SCMH1: variants seen among roughly 807,000 people sequenced by gnomAD.
SCMH1 encodes the protein polycomb protein SCMH1.
SCMH1 carries 37 observed loss-of-function variants against 70.8 expected under a neutral mutation model. That is an observed-to-expected ratio of 0.52 (90% CI 0.40 to 0.69). The LOEUF (loss-of-function observed/expected upper bound fraction) is 0.69, where lower values mean the gene tolerates loss of function less well. SCMH1 is among the 30% of genes least tolerant of loss of function. SCMH1 has a pLI of 0.00. For missense variants in SCMH1, 607 were observed against 827.3 expected (o/e 0.73, Z 3.27); for synonymous variants, 292 against 307.4 (o/e 0.95, Z 0.52).
chr1:41,188,281 C>T lies in SCMH1; in HGVS notation c.-117-2031G>A, dbSNP rs182908372. On this transcript the variant is annotated intron_variant, in intron 1 of 14. Transcript: ENST00000337495. The stretch of plus-strand genomic sequence containing the variant: ...AGTAGCTGGGATTATAGGCATGTGC[C>T]GCCATGCTTGGCTAATTTTTGTATT... Among the ~76,000 whole-genome samples the T allele has an allele frequency of 3.9e-5, 6 of 152,260 alleles. No homozygotes were observed. In the East Asian group the frequency reaches 7.7e-4, roughly 20 times the overall value.
chr1:41,081,124 T>G (rs1032280111), intron 8 of SCMH1, among the ~76,000 whole-genome samples: 12 of 152,146 alleles, frequency 7.9e-5, no homozygotes, highest in Non-Finnish European at 1.3e-4. Context: ...AATTTGAAAA[T>G]TATTTAAAAA....
intron 8 of SCMH1, among the ~76,000 whole-genome samples, chr1:41,084,222 A>G (rs982761470): frequency 1.3e-5 from 2 of 152,232 alleles, no homozygotes; most frequent in South Asian, 2.1e-4. Context: ...TTCGCAACCT[A>G]TTCATCTGAC....
At chr1:41,221,774 C>T (rs1374944451) in intron 1 of SCMH1, among the ~76,000 whole-genome samples, 2 of 151,314 alleles carry the variant, frequency 1.3e-5, no homozygotes, top group Non-Finnish European at 2.9e-5. Context: ...CACCTGTAGT[C>T]CCAGCTATTC....
chr1:41,129,183 G>A (rs1338759514), intron 6 of SCMH1, among the ~76,000 whole-genome samples: 1 of 151,908 alleles, frequency 6.6e-6, no homozygotes, highest in Non-Finnish European at 1.5e-5. Context: ...TGCATGCCTG[G>A]TAATTTTTTT....
chr1:41,176,618 C>T (rs1055473170), intron 2 of SCMH1, among the ~76,000 whole-genome samples: 3 of 152,172 alleles, frequency 2.0e-5, no homozygotes, highest in East Asian at 1.9e-4. Context: ...GCGCCTGGCT[C>T]GGAGGGTCCT....
At chr1:41,177,804 G>A (rs1647399763) in intron 2 of SCMH1, among the ~76,000 whole-genome samples, 1 of 152,182 alleles carries the variant, frequency 6.6e-6, no homozygotes, top group South Asian at 2.1e-4. Flanking sequence ...AACCAAGTTG[G>A]AAAACACTCT....
At chr1:41,100,350 C>G (rs1356284517) in intron 8 of SCMH1, among the ~76,000 whole-genome samples, 1 of 151,964 alleles carries the variant, frequency 6.6e-6, no homozygotes, top group Non-Finnish European at 1.5e-5. Context: ...TATAAATTAC[C>G]ATTTCTACCC....
At chr1:41,097,959 C>T (rs952454607) in intron 8 of SCMH1, among the ~76,000 whole-genome samples, 5 of 152,096 alleles carry the variant, frequency 3.3e-5, no homozygotes, top group African/African-American at 9.7e-5. Flanking sequence ...GTTTTTGGAA[C>T]GATTCTTTTT....
intron 2 of SCMH1, among the ~76,000 whole-genome samples, chr1:41,185,728 C>T (rs568070839): frequency 4.0e-5 from 6 of 148,496 alleles, no homozygotes; most frequent in South Asian, 4.4e-4. Flanking sequence ...CTCCGCCTCC[C>T]GGGTTCAAGC....
chr1:41,233,516 T>C (rs911705896), intron 1 of SCMH1, among the ~76,000 whole-genome samples: 3 of 152,226 alleles, frequency 2.0e-5, no homozygotes, highest in Non-Finnish European at 4.4e-5. Flanking sequence ...AATATGGAGA[T>C]GATCTATTTT....
chr1:41,228,219 A>AC (rs1311235690), intron 1 of SCMH1, among the ~76,000 whole-genome samples: 1 of 151,954 alleles, frequency 6.6e-6, no homozygotes, highest in Non-Finnish European at 1.5e-5. Context: ...GTTCTCCCCT[A>AC]CCTGTGGCTC....
intron 2 of SCMH1, chr1:41,163,064 G>A (rs1646168120): frequency 1.3e-5 from 2 of 152,406 alleles, no homozygotes; most frequent in South Asian, 2.1e-4. Flanking sequence ...AGCCCTTTGG[G>A]GAGCCCAGAC....
At chr1:41,232,588 T>C (rs1661515448) in intron 1 of SCMH1, among the ~76,000 whole-genome samples, 1 of 152,162 alleles carries the variant, frequency 6.6e-6, no homozygotes, top group Non-Finnish European at 1.5e-5. Context: ...TGAAACCAAG[T>C]CCTATTACTT....
At chr1:41,138,244 T>C (rs1461571906) in intron 6 of SCMH1, among the ~76,000 whole-genome samples, 3 of 152,182 alleles carry the variant, frequency 2.0e-5, no homozygotes, top group Non-Finnish European at 4.4e-5. Context: ...TAGAATACAA[T>C]AGTTTTACTA....
intron 4 of SCMH1, among the ~76,000 whole-genome samples, chr1:41,157,132 G>C (rs1645626099): frequency 6.6e-6 from 1 of 151,672 alleles, no homozygotes; most frequent in African/African-American, 2.4e-5. Context: ...TTTTTTCTTT[G>C]TAGTAGAGAC....
intron 7 of SCMH1, among the ~76,000 whole-genome samples, chr1:41,114,891 T>C (rs1670082502): frequency 6.6e-6 from 1 of 152,096 alleles, no homozygotes; most frequent in South Asian, 2.1e-4. Context: ...TTGCCCAAGC[T>C]GGTCTCGAAC....
chr1:41,113,138 C>T lies in SCMH1; in HGVS notation c.745+145G>A, dbSNP rs1372940982. On this transcript the variant is annotated intron_variant, in intron 8 of 14. Transcript: ENST00000337495. This position sits in a 1 kb window ranked among gnomAD's most constrained non-coding sequence, Gnocchi z 4.3. ...CTGTTTCTAATTGCTCCCTGGTAGACCTGGGTTTTTACCTAAGCTGCTGGC... is the reference window on the plus strand; with the variant it reads ...CTGTTTCTAATTGCTCCCTGGTAGATCTGGGTTTTTACCTAAGCTGCTGGC... 3.1e-6 allele frequency: 3 copies of T among 968,334 alleles called. No homozygotes were observed. The highest frequency in any genetic ancestry group is 4.6e-6 in the Non-Finnish European group (3 of 657,790). The allele number at this position is 968,334 out of a possible 1,614,324, so 60.0% of individuals were successfully genotyped here. A position where few individuals can be genotyped will look rare whatever the true frequency, so the allele number is the denominator to read the frequency against.
At chr1:41,228,812 T>C (rs1660767309) in intron 1 of SCMH1, among the ~76,000 whole-genome samples, 1 of 151,982 alleles carries the variant, frequency 6.6e-6, no homozygotes, top group Admixed American at 6.6e-5. Flanking sequence ...ATTTTAAATA[T>C]TTAACCCTGA....
rs1380677081 is a variant in SCMH1 at position 41,037,397 on chromosome 1, C to T, written c.1643G>A (p.Ser548Asn). Residue 548 changes from serine (S) to asparagine (N), a missense_variant, in exon 13 of 15, where the codon AGC becomes AAC. This residue lies in a region of SCMH1 where 430 missense variants were observed against 528.2 expected (regional missense o/e 0.81). Transcript: ENST00000337495. ...TAGCCTGCGCACAGCTGAGGCAGTGCTTGGTGGGAGGCCACAGGATGAAAG... is the reference window on the plus strand; with the variant it reads ...TAGCCTGCGCACAGCTGAGGCAGTGTTTGGTGGGAGGCCACAGGATGAAAG... The T allele has an allele frequency of 2.6e-5, 42 of 1,614,062 alleles. No individual in the cohort carries two copies. The highest frequency in any genetic ancestry group is 3.6e-5 in the Non-Finnish European group (42 of 1,180,024).
Sources: allele counts gnomAD v4.1 joint callset (sites outside exome capture counted in the v4.1 genomes callset), GRCh38; gene constraint gnomAD v4.1.1; regional missense constraint gnomAD v4.1.1; non-coding constraint Gnocchi (gnomAD v3.1); transcripts MANE v1.5; gene names NCBI Gene and HGNC (gene_info 2026-07-23, HGNC 2026-07-21).